Variants in PRKX observed in about 807,000 individuals in gnomAD.
PRKX encodes protein kinase cAMP-dependent X-linked catalytic subunit.
Under a neutral mutation model 22.0 loss-of-function variants are expected in PRKX, and 12 were observed. The ratio of observed to expected loss-of-function variants is 0.54; its 90% confidence interval spans 0.35 to 0.88. The LOEUF is 0.88. Ranked by LOEUF, PRKX falls within the 40% of genes least tolerant of loss-of-function variation. The pLI, the probability that PRKX is intolerant of heterozygous loss-of-function variation, is 0.01. For synonymous variants in PRKX, 134 were observed against 137.7 expected (o/e 0.97, Z 0.19); for missense variants, 217 against 308.0 (o/e 0.70, Z 2.21).
At position 3,611,973 on chromosome X, in the gene PRKX, T is replaced by C. The variant is rs756158644; in HGVS notation, c.*23+204A>G. Among the ~76,000 whole-genome samples, 23 of 110,951 alleles carry C rather than the reference T, an allele frequency of 2.1e-4. No homozygotes were observed. In the East Asian group the frequency reaches 6.6e-3, roughly 32 times the overall value. ...CATGGATTCTGGACTGTCATGCTGATGCCTCTGACGGTCACATGCTGACCT... is the reference window on the plus strand; with the variant it reads ...CATGGATTCTGGACTGTCATGCTGACGCCTCTGACGGTCACATGCTGACCT... On this transcript the variant is annotated intron_variant, in intron 8 of 8. Coordinates refer to ENST00000262848, the MANE Select transcript of PRKX (RefSeq NM_005044.5).
chrX:3,673,685 C>T (rs113620483), intron 2 of PRKX, among the ~76,000 whole-genome samples: 10 of 110,646 alleles, frequency 9.0e-5, no homozygotes, highest in Middle Eastern at 4.6e-3. Flanking sequence ...AGGAGAGACA[C>T]GCAGGACATC....
chrX:3,666,247 C>T (rs1321031807), intron 2 of PRKX, among the ~76,000 whole-genome samples: 2 of 105,233 alleles, frequency 1.9e-5, no homozygotes, highest in Non-Finnish European at 3.9e-5. Context: ...CTCTGCCTCC[C>T]AGGTTCATGC....
rs1926235203 is a variant in PRKX at position 3,608,705 on chromosome X, C to A, written c.*264G>T. Reference sequence around the variant, plus strand: ...AAAAACCAAGACATCACAGTAGGAACACAACACTAAAGGATAAGATAAAAT... The same window carrying A: ...AAAAACCAAGACATCACAGTAGGAAAACAACACTAAAGGATAAGATAAAAT... On this transcript the variant is annotated 3_prime_UTR_variant, in exon 9 of 9. Transcript: ENST00000262848. The A allele has an allele frequency of 9.1e-6, 1 of 110,444 alleles. No individual in the cohort carries two copies. Among genetic ancestry groups the A allele is most frequent in the Non-Finnish European group, 1.9e-5 (1 of 52,896 alleles). The allele number at this position is 110,444 out of a possible 1,213,427, so 9.1% of individuals were successfully genotyped here. A position where few individuals can be genotyped will look rare whatever the true frequency, so the allele number is the denominator to read the frequency against.
At position 3,610,896 on chromosome X, in the gene PRKX, T is replaced by C. The variant is rs778946807; in HGVS notation, c.*23+1281A>G. 3.6e-5 allele frequency: 4 copies of C among 111,800 alleles called. No homozygotes were observed. The South Asian group carries it at 1.5e-3, about 43-fold the overall frequency. The allele number at this position is 111,800 out of a possible 1,213,427, so 9.2% of individuals were successfully genotyped here. A position where few individuals can be genotyped will look rare whatever the true frequency, so the allele number is the denominator to read the frequency against. On this transcript the variant is annotated intron_variant, in intron 8 of 8. Transcript: ENST00000262848. ...TGTTATGGGCGAGTCAGCTAAAATGTAAGCCCCAGAGTAGAGCAGAGAAAC... is the reference window on the plus strand; with the variant it reads ...TGTTATGGGCGAGTCAGCTAAAATGCAAGCCCCAGAGTAGAGCAGAGAAAC...
intron 2 of PRKX, among the ~76,000 whole-genome samples, chrX:3,669,026 G>A (rs1369548551): frequency 8.9e-6 from 1 of 112,521 alleles, no homozygotes; most frequent in East Asian, 2.8e-4. Flanking sequence ...GCACCCTACA[G>A]TGCACAGGGC....
At chrX:3,654,718 A>G (rs1257414379) in intron 3 of PRKX, among the ~76,000 whole-genome samples, 2 of 109,405 alleles carry the variant, frequency 1.8e-5, no homozygotes, top group Non-Finnish European at 3.8e-5. Context: ...CTGGGCTCAA[A>G]TGATTCTCCC....
intron 1 of PRKX, among the ~76,000 whole-genome samples, chrX:3,692,118 G>A (rs1293518514): frequency 9.6e-6 from 1 of 104,666 alleles, no homozygotes; most frequent in African/African-American, 3.5e-5. Context: ...AGAGTGGGGA[G>A]GGGAGAGAGG....
chrX:3,712,956 G>C (rs1392597802), intron 1 of PRKX, 132 bp downstream of exon 1: 1 of 782,743 alleles, frequency 1.3e-6, no homozygotes, highest in South Asian at 3.4e-5. Context: ...AGCCCCGCAC[G>C]GGGACTCCGA....
chrX:3,630,273 A>G (rs1459745821), intron 4 of PRKX, among the ~76,000 whole-genome samples: 1 of 112,623 alleles, frequency 8.9e-6, no homozygotes, highest in Non-Finnish European at 1.9e-5. Context: ...AAGAAAAAAG[A>G]TTTAGGCCAG....
At chrX:3,658,708 G>A (rs978415231) in intron 2 of PRKX, among the ~76,000 whole-genome samples, 2 of 110,815 alleles carry the variant, frequency 1.8e-5, no homozygotes, top group African/African-American at 6.6e-5. Context: ...CTTCAACCAT[G>A]ACCAGGACCC....
rs1252674150 is a variant in PRKX at position 3,653,639 on chromosome X, A to AATATATATATATATAATATACTATGTG, written c.599+1509_599+1510insCACATAGTATATTATATATATATATAT. ...ATATATTATATATAATATACTATGT[A>AATATATATATATATAATATACTATGTG]ATATATATATTATATATAATATACT... is the stretch of plus-strand genomic sequence containing the variant. On this transcript the variant is annotated intron_variant, in intron 3 of 8. Coordinates refer to ENST00000262848, the MANE Select transcript of PRKX (RefSeq NM_005044.5). Among the ~76,000 whole-genome samples the AATATATATATATATAATATACTATGTG allele has an allele frequency of 5.0e-3, 188 of 37,556 alleles. 5 individuals carry two copies. Among genetic ancestry groups the AATATATATATATATAATATACTATGTG allele is most frequent in the African/African-American group, 0.019 (180 of 9,721 alleles). 32.6% of individuals were successfully genotyped at this position (37,556 alleles called of 115,157 possible).
chrX:3,707,011 C>T (rs1283374207), intron 1 of PRKX, among the ~76,000 whole-genome samples: 2 of 111,599 alleles, frequency 1.8e-5, no homozygotes, highest in African/African-American at 6.5e-5. Flanking sequence ...TCTGCAGTCC[C>T]AGCTACTTGG....
intron 1 of PRKX, among the ~76,000 whole-genome samples, chrX:3,689,188 C>A (rs1365428286): frequency 8.9e-6 from 1 of 112,513 alleles, no homozygotes; most frequent in African/African-American, 3.2e-5. Flanking sequence ...TTATCATCCT[C>A]AAACTCAGTT....
intron 3 of PRKX, among the ~76,000 whole-genome samples, chrX:3,651,159 C>T (rs1009813669): frequency 9.0e-6 from 1 of 110,736 alleles, no homozygotes. Flanking sequence ...AGAAGCTACA[C>T]TACCCATACA....
chrX:3,667,044 GA>G (rs1256790729), intron 2 of PRKX, among the ~76,000 whole-genome samples: 2 of 111,212 alleles, frequency 1.8e-5, no homozygotes, highest in East Asian at 2.8e-4. Context: ...TGAACGGGGG[GA>G]AAGTCAACAT....
Position 3,605,959 on chromosome X carries a change from A to G in PRKX, c.*3010T>C, listed in dbSNP as rs1278098199. ...TGCGAAGGAATTAGAAGAATTCAGT[A>G]GAGACAGTGTATACTATTTGGTTGT... On this transcript the variant is annotated 3_prime_UTR_variant, in exon 9 of 9. Coordinates refer to ENST00000262848, the MANE Select transcript of PRKX (RefSeq NM_005044.5). 1 of 112,522 alleles carries G rather than the reference A, an allele frequency of 8.9e-6. No individual in the cohort carries two copies. Among genetic ancestry groups the G allele is most frequent in the African/African-American group, 3.2e-5 (1 of 30,983 alleles). The allele number at this position is 112,522 out of a possible 1,213,427, so 9.3% of individuals were successfully genotyped here.
chrX:3,691,827 CAGAT>C (rs201740715), intron 1 of PRKX, among the ~76,000 whole-genome samples: 1,420 of 103,122 alleles, frequency 0.014, 23 homozygotes, highest in African/African-American at 0.047. Flanking sequence ...GTATGATAGA[CAGAT>C]AGATGGATAG....
At position 3,700,732 on chromosome X, in the gene PRKX, C is replaced by G. The variant is rs7878619; in HGVS notation, c.166+12356G>C. The stretch of plus-strand genomic sequence containing the variant: ...TTGCTGGGACTACAGGCACGTGCCA[C>G]CACGCCCAGCTAATTGTTTGTTGTT... On this transcript the variant is annotated intron_variant, in intron 1 of 8. Coordinates refer to ENST00000262848, the MANE Select transcript of PRKX (RefSeq NM_005044.5). Among the ~76,000 whole-genome samples the G allele has an allele frequency of 5.5e-3, 531 of 96,324 alleles. 3 individuals are homozygous for G. Among genetic ancestry groups the G allele is most frequent in the African/African-American group, 0.021 (499 of 24,124 alleles). 83.6% of individuals were successfully genotyped at this position (96,324 alleles called of 115,157 possible).
At chrX:3,674,804 T>C in intron 1 of PRKX, 38 bp from the exon 2 acceptor site, 2 of 1,203,039 alleles carry the variant, frequency 1.7e-6, no homozygotes, top group South Asian at 1.8e-5. Flanking sequence ...CATTAAGTCT[T>C]CCGACAAAGG....
Sources: allele counts gnomAD v4.1 joint callset (sites outside exome capture counted in the v4.1 genomes callset), GRCh38; gene constraint gnomAD v4.1.1; transcripts MANE v1.5; gene names NCBI Gene and HGNC (gene_info 2026-07-23, HGNC 2026-07-21).